KLRG1: variants seen among roughly 807,000 people sequenced by gnomAD.
The protein encoded by KLRG1 is killer cell lectin like receptor G1.
A neutral mutation model predicts 21.8 loss-of-function variants in KLRG1; 16 were observed. The ratio of observed to expected loss-of-function variants is 0.73; its 90% CI spans 0.50 to 1.11. KLRG1 has a LOEUF of 1.11. Among genes scored for constraint, KLRG1 ranks in the 50% most tolerant of loss-of-function variants. The pLI is 0.00. For synonymous variants in KLRG1, 69 were observed against 75.9 expected, an observed-to-expected ratio of 0.91 and a Z score of 0.47; for missense variants, 173 against 218.3, an observed-to-expected ratio of 0.79 and a Z score of 1.31.
At chr12:9,192,460 C>A in the KLRG1 span, 5 of 1,520,324 alleles carry the variant, frequency 3.3e-6, no homozygotes, top group South Asian at 5.7e-5. Context: ...GCCTATTGAC[C>A]ACTTTTGTCC....
At chr12:9,123,606 C>T in the KLRG1 span, among the ~76,000 whole-genome samples, 1 of 152,126 alleles carries the variant, frequency 6.6e-6, no homozygotes, top group Non-Finnish European at 1.5e-5. Flanking sequence ...TGGAATTTTC[C>T]ATTTAATATT....
At chr12:9,123,463 G>A in the KLRG1 span, among the ~76,000 whole-genome samples, 3 of 151,898 alleles carry the variant, frequency 2.0e-5, no homozygotes, top group South Asian at 6.2e-4. Context: ...CTGGGGTGGG[G>A]GTTAGGGGGA....
At chr12:9,028,901 T>C in the KLRG1 span, 25 of 637,270 alleles carry the variant, frequency 3.9e-5, no homozygotes, top group African/African-American at 4.0e-4. Context: ...TCCTCCATAG[T>C]GGCATATGTG....
intron 1 of KLRG1, among the ~76,000 whole-genome samples, chr12:8,976,239 A>AT (rs1329960366): frequency 1.3e-5 from 2 of 152,118 alleles, no homozygotes; most frequent in Non-Finnish European, 2.9e-5. Context: ...TCAAGAATAT[A>AT]TTTTTTAGTT....
chr12:9,119,617 A>T, the KLRG1 span, among the ~76,000 whole-genome samples: 3 of 152,200 alleles, frequency 2.0e-5, no homozygotes, highest in Admixed American at 2.0e-4. Flanking sequence ...AGGTGGAAAT[A>T]AACTTGAATA....
chr12:9,183,171 A>T, the KLRG1 span, among the ~76,000 whole-genome samples: 1 of 152,234 alleles, frequency 6.6e-6, no homozygotes, highest in Non-Finnish European at 1.5e-5. Flanking sequence ...TTTACAAAGT[A>T]TAATATCAGG....
the KLRG1 span, chr12:9,066,820 CCTAA>C: frequency 9.7e-4 from 147 of 152,294 alleles, no homozygotes; most frequent in African/African-American, 3.2e-3. Context: ...TCACCTTCTG[CCTAA>C]CTAAGCATTG....
the KLRG1 span, among the ~76,000 whole-genome samples, chr12:9,212,796 G>A: frequency 6.6e-6 from 1 of 151,370 alleles, no homozygotes; most frequent in Non-Finnish European, 1.5e-5. Flanking sequence ...TTTTTAAATG[G>A]ACACAAATTC....
chr12:8,983,790 A>C (rs2137299339), intron 1 of KLRG1, among the ~76,000 whole-genome samples: 1 of 152,036 alleles, frequency 6.6e-6, no homozygotes, highest in East Asian at 1.9e-4. Context: ...GTTGTTTCCC[A>C]TTATTAATGT....
At chr12:8,969,335 G>A (rs955984200) in intron 1 of KLRG1, among the ~76,000 whole-genome samples, 4 of 152,220 alleles carry the variant, frequency 2.6e-5, no homozygotes, top group Admixed American at 2.0e-4. Flanking sequence ...CTTTCTGGAA[G>A]TTGCCATTGG....
chr12:9,192,806 A>C, the KLRG1 span: 7 of 1,137,658 alleles, frequency 6.2e-6, no homozygotes, highest in Non-Finnish European at 2.6e-6. Flanking sequence ...TCTCACCAAA[A>C]TGAATAGTTA....
the KLRG1 span, chr12:9,160,278 A>C: frequency 6.4e-7 from 1 of 1,558,776 alleles, no homozygotes; most frequent in South Asian, 1.2e-5. Flanking sequence ...AAGTTTCATT[A>C]GAGTAACAAA....
the KLRG1 span, chr12:9,090,071 A>G: frequency 3.2e-6 from 5 of 1,564,758 alleles, no homozygotes; most frequent in South Asian, 3.6e-5. Context: ...CCCTTCCTCC[A>G]TGCCTCCAAA....
the KLRG1 span, chr12:9,166,063 CA>C: frequency 1.9e-6 from 3 of 1,606,360 alleles, no homozygotes; most frequent in Non-Finnish European, 2.5e-6. Flanking sequence ...TCACTGCCAC[CA>C]ACTCCCAGAT....
At chr12:9,052,900 T>A in the KLRG1 span, 3 of 430,532 alleles carry the variant, frequency 7.0e-6, no homozygotes, top group African/African-American at 4.1e-5. Flanking sequence ...TATTGCCTTT[T>A]AAAAAATTAA....
chr12:9,115,735 A>G, the KLRG1 span: 15 of 1,564,100 alleles, frequency 9.6e-6, no homozygotes, highest in Non-Finnish European at 1.2e-5. Context: ...CTCTAGGTTC[A>G]TGCTTCACGC....
At chr12:9,209,781 T>A in the KLRG1 span, among the ~76,000 whole-genome samples, 1 of 152,156 alleles carries the variant, frequency 6.6e-6, no homozygotes, top group Admixed American at 6.6e-5. Context: ...AAATAATATA[T>A]AGCATAATTT....
chr12:9,077,701 C>G, the KLRG1 span: 1 of 1,613,968 alleles, frequency 6.2e-7, no homozygotes, highest in Non-Finnish European at 8.5e-7. Context: ...AATGATTCAC[C>G]TTTATGGCAT....
At chr12:9,029,438 A>T in the KLRG1 span, among the ~76,000 whole-genome samples, 558 of 152,016 alleles carry the variant, frequency 3.7e-3, 2 homozygotes, top group Non-Finnish European at 5.7e-3. Context: ...CTGGTCTCGA[A>T]CTCCTAACCT....
Sources: gnomAD v4.1 joint callset for allele counts (sites outside exome capture counted in the v4.1 genomes callset) on GRCh38, gnomAD v4.1.1 for gene constraint, MANE v1.5 for transcripts, NCBI Gene and HGNC (gene_info 2026-07-23, HGNC 2026-07-21) for gene names.